Variants in IGF1R observed in about 807,000 individuals in gnomAD.
The protein encoded by IGF1R is insulin like growth factor 1 receptor.
Under a neutral mutation model 144.6 loss-of-function variants are expected in IGF1R, and 44 were observed. The observed-to-expected ratio is 0.30, with a 90% confidence interval of 0.24 to 0.39. The LOEUF (loss-of-function observed/expected upper bound fraction) is 0.39. IGF1R is among the 10% of genes least tolerant of loss of function. IGF1R has a pLI of 1.00. For missense variants in IGF1R, 1,355 were observed against 1,833.7 expected (o/e 0.74, Z 4.77); for synonymous variants, 795 against 722.8 (o/e 1.10, Z -1.60).
At chr15:98,691,314 C>T (rs997569812) in intron 1 of IGF1R, among the ~76,000 whole-genome samples, 1 of 151,848 alleles carries the variant, frequency 6.6e-6, no homozygotes, top group African/African-American at 2.4e-5. Flanking sequence ...GGGACACTGG[C>T]CAGGTTTTGT....
intron 2 of IGF1R, among the ~76,000 whole-genome samples, chr15:98,802,932 T>C (rs1474015760): frequency 6.6e-6 from 1 of 152,210 alleles, no homozygotes; most frequent in African/African-American, 2.4e-5. Context: ...TTGTTTCCAT[T>C]TTAGGTTGAC....
At chr15:98,814,652 T>C (rs535505395) in intron 2 of IGF1R, among the ~76,000 whole-genome samples, 28 of 152,344 alleles carry the variant, frequency 1.8e-4, no homozygotes, top group African/African-American at 6.5e-4. Context: ...CCAGCCTGTT[T>C]ATATGGTTTT....
At chr15:98,956,429 G>T (rs1486595075) in intron 20 of IGF1R, among the ~76,000 whole-genome samples, 1 of 152,250 alleles carries the variant, frequency 6.6e-6, no homozygotes, top group Non-Finnish European at 1.5e-5. Flanking sequence ...GGGCTTGCTT[G>T]TGCAGGGCTG....
chr15:98,801,365 T>C (rs534801541), intron 2 of IGF1R, among the ~76,000 whole-genome samples: 3 of 152,332 alleles, frequency 2.0e-5, no homozygotes, highest in African/African-American at 7.2e-5. Context: ...CTCCCTGCAC[T>C]GCTTCCTGCT....
At chr15:98,736,617 CTT>C (rs969700504) in intron 2 of IGF1R, among the ~76,000 whole-genome samples, 2 of 133,026 alleles carry the variant, frequency 1.5e-5, no homozygotes, top group Admixed American at 7.3e-5. Flanking sequence ...TTTCTTTTTT[CTT>C]TTTTTTTTTT....
chr15:98,753,923 A>G (rs2055084832), intron 2 of IGF1R, among the ~76,000 whole-genome samples: 1 of 152,150 alleles, frequency 6.6e-6, no homozygotes, highest in Non-Finnish European at 1.5e-5. Flanking sequence ...TCTTTGTTGC[A>G]GGAATTTTCT....
At chr15:98,904,303 C>T (rs995896079) in intron 5 of IGF1R, among the ~76,000 whole-genome samples, 27 of 152,100 alleles carry the variant, frequency 1.8e-4, no homozygotes, top group Admixed American at 7.9e-4. Flanking sequence ...CTGCCTGCCT[C>T]GGCCTCTGAA....
intron 9 of IGF1R, 107 bp from the exon 10 acceptor site, chr15:98,916,565 A>G: frequency 9.6e-7 from 1 of 1,036,386 alleles, no homozygotes; most frequent in South Asian, 1.3e-5. Flanking sequence ...TCTGGCCGAG[A>G]CCAGCTATCT....
chr15:98,863,977 G>T (rs767378697), intron 2 of IGF1R, among the ~76,000 whole-genome samples: 2 of 152,196 alleles, frequency 1.3e-5, no homozygotes, highest in Non-Finnish European at 2.9e-5. Flanking sequence ...AATAAACGTG[G>T]CTGGGTGTGG....
At chr15:98,674,999 T>C (rs2052998233) in intron 1 of IGF1R, among the ~76,000 whole-genome samples, 1 of 149,008 alleles carries the variant, frequency 6.7e-6, no homozygotes, top group African/African-American at 2.5e-5. Context: ...TTTTTTTTTT[T>C]TTGAGACAAA....
intron 2 of IGF1R, among the ~76,000 whole-genome samples, chr15:98,719,313 T>C (rs1596230478): frequency 6.6e-6 from 1 of 152,198 alleles, no homozygotes; most frequent in East Asian, 1.9e-4. Context: ...GCACCATCCG[T>C]TGGGTCTCCT....
chr15:98,650,445 C>T (rs936665028), intron 1 of IGF1R, among the ~76,000 whole-genome samples: 3 of 152,350 alleles, frequency 2.0e-5, no homozygotes, highest in East Asian at 3.9e-4. Context: ...CTCAGCTTGT[C>T]TCTTCCGGGG....
chr15:98,920,689 T>G (rs61032317), intron 10 of IGF1R, among the ~76,000 whole-genome samples: 17,720 of 152,174 alleles, frequency 0.12, 2,474 homozygotes, highest in African/African-American at 0.33. Flanking sequence ...CCTCCCCCAG[T>G]ATTGTGAAAG....
rs1474379796 is a variant in IGF1R, at chr15:98,962,850, T to C, written c.*5408T>C. ...AACTGATCTCGGAGTTAAGGCGAAT[T>C]GTTCAAGAACACAAACTACATCGCA... On this transcript the variant is annotated 3_prime_UTR_variant, in exon 21 of 21. Transcript: ENST00000650285. The C allele has an allele frequency of 4.3e-6, 1 of 233,632 alleles. No homozygotes were observed. The highest frequency in any genetic ancestry group is 2.2e-5 in the African/African-American group (1 of 45,360). 14.5% of individuals were successfully genotyped at this position (233,632 alleles called of 1,614,324 possible).
At chr15:98,805,890 A>G (rs899626484) in intron 2 of IGF1R, among the ~76,000 whole-genome samples, 1 of 152,172 alleles carries the variant, frequency 6.6e-6, no homozygotes, top group Non-Finnish European at 1.5e-5. Flanking sequence ...CTTACAATTC[A>G]GTGCAGTTCT....
At chr15:98,823,684 A>G (rs747504793) in intron 2 of IGF1R, among the ~76,000 whole-genome samples, 1 of 152,224 alleles carries the variant, frequency 6.6e-6, no homozygotes, top group African/African-American at 2.4e-5. Context: ...TGTCAGAGCC[A>G]TGATTTTAAG....
At chr15:98,816,471 C>G (rs2056698235) in intron 2 of IGF1R, among the ~76,000 whole-genome samples, 1 of 152,214 alleles carries the variant, frequency 6.6e-6, no homozygotes, top group Non-Finnish European at 1.5e-5. Flanking sequence ...CCGGCCATCA[C>G]TCCCCATCGG....
chr15:98,702,679 C>T (rs544191155), intron 1 of IGF1R, among the ~76,000 whole-genome samples: 107 of 152,258 alleles, frequency 7.0e-4, no homozygotes, highest in Non-Finnish European at 1.2e-3. Context: ...GTGGTAATCC[C>T]AGCACTTCTG....
At chr15:98,869,738 A>T (rs34095963) in intron 2 of IGF1R, among the ~76,000 whole-genome samples, 32 of 152,076 alleles carry the variant, frequency 2.1e-4, no homozygotes, top group African/African-American at 7.0e-4. Context: ...CTCCCTTGAG[A>T]TTCTTGTAAG....
Sources: gnomAD v4.1 joint callset for allele counts (sites outside exome capture counted in the v4.1 genomes callset) on GRCh38, gnomAD v4.1.1 for gene constraint, MANE v1.5 for transcripts, NCBI Gene and HGNC (gene_info 2026-07-23, HGNC 2026-07-21) for gene names.